GPHN: variants seen among roughly 807,000 people sequenced by gnomAD.
The protein encoded by GPHN is gephyrin.
GPHN carries 17 observed loss-of-function variants against 95.5 expected under a neutral mutation model. The observed-to-expected ratio is 0.18, with a 90% confidence interval of 0.12 to 0.27. The LOEUF (loss-of-function observed/expected upper bound fraction) is 0.27, where lower values mean the gene tolerates loss of function less well. Ranked by LOEUF, GPHN falls within the 10% of genes least tolerant of loss-of-function variation. The pLI, the probability that GPHN is intolerant of heterozygous loss-of-function variation, is 1.00. For synonymous variants in GPHN, 320 were observed against 322.5 expected (o/e 0.99, Z 0.08); for missense variants, 660 against 978.1 (o/e 0.67, Z 4.34).
chr14:66,599,697 G>T (rs1203906854), intron 1 of GPHN, among the ~76,000 whole-genome samples: 1 of 151,174 alleles, frequency 6.6e-6, no homozygotes, highest in Non-Finnish European at 1.5e-5. Context: ...CTTTACTTGT[G>T]TTGTTTAAGA....
intron 9 of GPHN, among the ~76,000 whole-genome samples, chr14:67,006,472 C>T (rs1486547414): frequency 6.6e-6 from 1 of 152,100 alleles, no homozygotes; most frequent in Non-Finnish European, 1.5e-5. Flanking sequence ...GGCTACCATG[C>T]TTAAATGTTC....
the GPHN span, chr14:67,616,315 G>C: frequency 2.6e-5 from 4 of 152,692 alleles, no homozygotes; most frequent in African/African-American, 7.3e-5. Flanking sequence ...ACCTTGTTTG[G>C]TACACTGTGG....
At chr14:66,778,505 G>A (rs112156286) in intron 3 of GPHN, among the ~76,000 whole-genome samples, 2,342 of 152,074 alleles carry the variant, frequency 0.015, 32 homozygotes, top group Non-Finnish European at 0.018. Context: ...AACATAATAT[G>A]TTGTTCTTTT....
At chr14:67,243,921 T>TAATCCGTAGTCTGACTGCTAGTTAGGGGC in the GPHN span, among the ~76,000 whole-genome samples, 1 of 152,214 alleles carries the variant, frequency 6.6e-6, no homozygotes, top group Non-Finnish European at 1.5e-5. Flanking sequence ...AGGAGTTAAG[T>TAATCCGTAGTCTGACTGCTAGTTAGGGGC]AATCCGTAGT....
At chr14:66,771,814 G>A (rs1316572044) in intron 2 of GPHN, among the ~76,000 whole-genome samples, 5 of 145,574 alleles carry the variant, frequency 3.4e-5, no homozygotes, top group Non-Finnish European at 7.4e-5. Flanking sequence ...CTATGAGTGA[G>A]AATATGCGGT....
chr14:67,487,856 T>C, the GPHN span, among the ~76,000 whole-genome samples: 1 of 152,072 alleles, frequency 6.6e-6, no homozygotes, highest in Non-Finnish European at 1.5e-5. Context: ...TCTCAAGCTC[T>C]TGGCCAACCC....
chr14:67,530,221 T>A, the GPHN span, among the ~76,000 whole-genome samples: 1 of 152,230 alleles, frequency 6.6e-6, no homozygotes, highest in South Asian at 2.1e-4. Context: ...GATCACTTGC[T>A]GCATGCCAGA....
the GPHN span, among the ~76,000 whole-genome samples, chr14:67,426,451 G>A: frequency 6.6e-6 from 1 of 152,336 alleles, no homozygotes; most frequent in Non-Finnish European, 1.5e-5. Flanking sequence ...CTTCGCTGTT[G>A]GCACAGTCAG....
the GPHN span, among the ~76,000 whole-genome samples, chr14:67,342,778 T>A: frequency 6.6e-6 from 1 of 151,690 alleles, no homozygotes; most frequent in Admixed American, 6.6e-5. Context: ...AGCATTAATA[T>A]AGAAATTCCC....
chr14:67,476,313 G>A, the GPHN span, among the ~76,000 whole-genome samples: 3 of 152,136 alleles, frequency 2.0e-5, no homozygotes, highest in East Asian at 1.9e-4. Context: ...CAGGCTGGGC[G>A]CAGTGGCTCA....
the GPHN span, among the ~76,000 whole-genome samples, chr14:67,484,027 T>C: frequency 6.6e-6 from 1 of 152,234 alleles, no homozygotes; most frequent in Non-Finnish European, 1.5e-5. Flanking sequence ...CAGACCTGTA[T>C]GTGGCTGCCT....
the GPHN span, among the ~76,000 whole-genome samples, chr14:67,525,655 T>C: frequency 6.6e-6 from 1 of 152,244 alleles, no homozygotes; most frequent in Non-Finnish European, 1.5e-5. Context: ...TTCTTCCCTC[T>C]ATAAATGGCT....
intron 3 of GPHN, among the ~76,000 whole-genome samples, chr14:66,791,296 G>A (rs1011940085): frequency 6.6e-6 from 1 of 152,202 alleles, no homozygotes; most frequent in African/African-American, 2.4e-5. Context: ...TCAGGGAGAT[G>A]CTGCCTGAAC....
chr14:67,377,251 A>G, the GPHN span, among the ~76,000 whole-genome samples: 1 of 152,170 alleles, frequency 6.6e-6, no homozygotes, highest in Non-Finnish European at 1.5e-5. Flanking sequence ...CCTTGGATCA[A>G]TGTTCCTGCC....
chr14:66,887,439 T>C (rs1394229460), intron 5 of GPHN, among the ~76,000 whole-genome samples: 1 of 151,996 alleles, frequency 6.6e-6, no homozygotes, highest in Non-Finnish European at 1.5e-5. Flanking sequence ...TACAAAAAAT[T>C]AGCTGGGCAT....
At chr14:66,979,012 C>A (rs2153597516) in intron 9 of GPHN, among the ~76,000 whole-genome samples, 1 of 152,274 alleles carries the variant, frequency 6.6e-6, no homozygotes, top group South Asian at 2.1e-4. Flanking sequence ...TGAAAGGAAT[C>A]TTTTTGTCTA....
the GPHN span, among the ~76,000 whole-genome samples, chr14:67,423,833 C>T: frequency 1.0e-3 from 157 of 152,332 alleles, no homozygotes; most frequent in African/African-American, 3.6e-3. Flanking sequence ...GTGGGTGTTA[C>T]TGATGGCTCC....
At chr14:67,502,365 A>G in the GPHN span, among the ~76,000 whole-genome samples, 1 of 151,164 alleles carries the variant, frequency 6.6e-6, no homozygotes, top group African/African-American at 2.4e-5. Flanking sequence ...AAAGAAAAAA[A>G]TGCAACAGAT....
At chr14:66,666,224 C>T (rs561960449) in intron 1 of GPHN, among the ~76,000 whole-genome samples, 142 of 151,620 alleles carry the variant, frequency 9.4e-4, no homozygotes, top group Non-Finnish European at 1.3e-3. Flanking sequence ...ACGTTGTGCA[C>T]ATGTACCCTA....
Sources: gnomAD v4.1 joint callset for allele counts (sites outside exome capture counted in the v4.1 genomes callset) on GRCh38, gnomAD v4.1.1 for gene constraint, MANE v1.5 for transcripts, NCBI Gene and HGNC (gene_info 2026-07-23, HGNC 2026-07-21) for gene names.